Variants in ABCD3 observed in about 807,000 individuals in gnomAD.
ABCD3 encodes the protein ATP-binding cassette sub-family D member 3.
A neutral mutation model predicts 105.5 loss-of-function variants in ABCD3; 41 were observed. The observed-to-expected ratio is 0.39, with a 90% confidence interval of 0.30 to 0.50. The LOEUF (loss-of-function observed/expected upper bound fraction) is 0.50. ABCD3 is among the 20% of genes least tolerant of loss of function. ABCD3 has a pLI of 0.84. For missense variants in ABCD3, 622 were observed against 806.3 expected, an observed-to-expected ratio of 0.77 and a Z score of 2.77; for synonymous variants, 258 against 269.0, an observed-to-expected ratio of 0.96 and a Z score of 0.40.
intron 15 of ABCD3, among the ~76,000 whole-genome samples, chr1:94,490,712 A>G (rs1649491649): frequency 6.6e-6 from 1 of 152,114 alleles, no homozygotes; most frequent in South Asian, 2.1e-4. Flanking sequence ...ACTATTGTAA[A>G]TAATGCTGGA....
chr1:94,428,086 A>ATTT (rs1330395385), intron 1 of ABCD3, among the ~76,000 whole-genome samples: 5 of 145,348 alleles, frequency 3.4e-5, no homozygotes, highest in East Asian at 2.0e-4. Context: ...TTTTTTTTTT[A>ATTT]TTTTTTATTT....
intron 16 of ABCD3, 74 bp downstream of exon 16, chr1:94,491,321 T>C: frequency 8.7e-7 from 1 of 1,151,706 alleles, no homozygotes; most frequent in Non-Finnish European, 1.3e-6. Flanking sequence ...ACCTGAATAT[T>C]TAAAGTAACT....
At chr1:94,447,145 C>G (rs1660380574) in intron 1 of ABCD3, among the ~76,000 whole-genome samples, 1 of 152,124 alleles carries the variant, frequency 6.6e-6, no homozygotes, top group African/African-American at 2.4e-5. Flanking sequence ...AACAGATAAG[C>G]CAATTTGGAT....
chr1:94,436,126 T>C (rs944863439), intron 1 of ABCD3, among the ~76,000 whole-genome samples: 2 of 152,234 alleles, frequency 1.3e-5, no homozygotes, highest in African/African-American at 4.8e-5. Context: ...AAGATCACAA[T>C]TGGAATTTAG....
chr1:94,473,173 C>G (rs919886944), intron 4 of ABCD3, among the ~76,000 whole-genome samples: 2 of 152,156 alleles, frequency 1.3e-5, no homozygotes, highest in African/African-American at 4.8e-5. Flanking sequence ...CAGGTCAAAT[C>G]TCACTACCTG....
rs527684035 is a variant in ABCD3 at position 94,418,421 on chromosome 1, AGCCGCCGCCGCCGCC to A, written c.-49_-35del. On this transcript the variant is annotated 5_prime_UTR_variant, in exon 1 of 23. Transcript: ENST00000370214. ...TCCCCCGCGCTGCGTGCAGTAAGGT[AGCCGCCGCCGCCGCC>A]GCCGCCGCGTCCCCTCGCCGGCTCG... 7 of 1,405,492 alleles carry A rather than the reference AGCCGCCGCCGCCGCC, an allele frequency of 5.0e-6. No homozygotes were observed. In the African/African-American group the frequency reaches 8.6e-5, roughly 17 times the overall value. The allele number at this position is 1,405,492 out of a possible 1,614,324, so 87.1% of individuals were successfully genotyped here. A position where few individuals can be genotyped will look rare whatever the true frequency, so the allele number is the denominator to read the frequency against.
chr1:94,500,008 G>T (rs924923668), intron 20 of ABCD3, among the ~76,000 whole-genome samples: 1 of 152,108 alleles, frequency 6.6e-6, no homozygotes, highest in African/African-American at 2.4e-5. Flanking sequence ...TGAAATAGCT[G>T]AAGGTATTAG....
At chr1:94,455,062 T>C in intron 1 of ABCD3, among the ~76,000 whole-genome samples, 1 of 152,222 alleles carries the variant, frequency 6.6e-6, no homozygotes, top group East Asian at 1.9e-4. Flanking sequence ...TATACAGATT[T>C]TAGTGCCAGT....
intron 16 of ABCD3, among the ~76,000 whole-genome samples, chr1:94,497,138 A>G (rs1176483556): frequency 1.3e-5 from 2 of 152,024 alleles, no homozygotes. Context: ...ACCCGCTCCC[A>G]AGTTCCCTTT....
intron 1 of ABCD3, among the ~76,000 whole-genome samples, chr1:94,419,603 C>A (rs935268599): frequency 6.6e-6 from 1 of 152,118 alleles, no homozygotes; most frequent in African/African-American, 2.4e-5. Context: ...TTCATTCATT[C>A]CTCTGAGCAG....
intron 1 of ABCD3, among the ~76,000 whole-genome samples, chr1:94,443,533 GC>G (rs1660213473): frequency 6.6e-6 from 1 of 152,080 alleles, no homozygotes; most frequent in African/African-American, 2.4e-5. Flanking sequence ...CTTTGCCTAG[GC>G]CAATGGCTAG....
At chr1:94,483,614 C>T (rs1649140444) in intron 10 of ABCD3, among the ~76,000 whole-genome samples, 1 of 152,066 alleles carries the variant, frequency 6.6e-6, no homozygotes, top group African/African-American at 2.4e-5. Context: ...AACTGGATCC[C>T]TTCCTTACAC....
At chr1:94,428,050 T>G (rs1410129528) in intron 1 of ABCD3, among the ~76,000 whole-genome samples, 1 of 151,908 alleles carries the variant, frequency 6.6e-6, no homozygotes, top group African/African-American at 2.4e-5. Context: ...TTAGGTAAAA[T>G]AGGAGTATGC....
the ABCD3 span, among the ~76,000 whole-genome samples, chr1:94,406,033 T>C: frequency 1.3e-5 from 2 of 152,172 alleles, no homozygotes; most frequent in Non-Finnish European, 2.9e-5. Context: ...ACCCATGTTT[T>C]CTTGTTGTAC....
intron 1 of ABCD3, among the ~76,000 whole-genome samples, chr1:94,448,608 T>C (rs1035733970): frequency 6.6e-6 from 1 of 152,262 alleles, no homozygotes; most frequent in Non-Finnish European, 1.5e-5. Flanking sequence ...TTTCTGATTC[T>C]TCATATGTGG....
intron 21 of ABCD3, among the ~76,000 whole-genome samples, chr1:94,507,134 T>C (rs1009608325): frequency 2.5e-4 from 37 of 150,618 alleles, no homozygotes; most frequent in Non-Finnish European, 5.3e-4. Flanking sequence ...ATGCTATCCC[T>C]CCCCCCTTCC....
chr1:94,468,494 T>C (rs1648271025), intron 4 of ABCD3, among the ~76,000 whole-genome samples: 2 of 152,220 alleles, frequency 1.3e-5, no homozygotes, highest in African/African-American at 2.4e-5. Context: ...TTATAGTCTT[T>C]CTACATATTA....
chr1:94,492,049 T>A (rs1043365692), intron 16 of ABCD3, among the ~76,000 whole-genome samples: 1 of 152,114 alleles, frequency 6.6e-6, no homozygotes, highest in Non-Finnish European at 1.5e-5. Context: ...AAAATAACCA[T>A]GTGTAGATAT....
chr1:94,424,907 G>T (rs1352958382), intron 1 of ABCD3, among the ~76,000 whole-genome samples: 1 of 152,132 alleles, frequency 6.6e-6, no homozygotes, highest in African/African-American at 2.4e-5. Flanking sequence ...CACAGTTATA[G>T]CCCCAGTGGC....
Sources: allele counts gnomAD v4.1 joint callset (sites outside exome capture counted in the v4.1 genomes callset), GRCh38; gene constraint gnomAD v4.1.1; transcripts MANE v1.5; gene names NCBI Gene and HGNC (gene_info 2026-07-23, HGNC 2026-07-21).